The following ETNK1 variants were observed in gnomAD, a reference collection of about 807,000 sequenced individuals.
The protein encoded by ETNK1 is ethanolamine kinase 1, also known as putative protein product of Nbla10396.
Under a neutral mutation model 45.1 loss-of-function variants are expected in ETNK1, and 8 were observed. That is an observed-to-expected ratio of 0.18 (90% CI 0.10 to 0.32). ETNK1 has a LOEUF of 0.32. Ranked by LOEUF, ETNK1 falls within the 10% of genes least tolerant of loss-of-function variation. The probability of loss-of-function intolerance (pLI) is 1.00; values close to 1 mark genes in which losing one functional copy is unlikely to be tolerated. For synonymous variants in ETNK1, 152 were observed against 151.9 expected, an observed-to-expected ratio of 1.00 and a Z score of -0.01; for missense variants, 302 against 430.6, an observed-to-expected ratio of 0.70 and a Z score of 2.64.
chr12:22,671,458 C>T (rs1392688445), intron 5 of ETNK1, 103 bp downstream of exon 5: 3 of 801,796 alleles, frequency 3.7e-6, no homozygotes, highest in Non-Finnish European at 6.2e-6. Flanking sequence ...AACATTTTCC[C>T]ACGTGTTGTT....
intron 1 of ETNK1, among the ~76,000 whole-genome samples, chr12:22,631,646 A>G (rs1424745759): frequency 2.0e-5 from 3 of 152,230 alleles, no homozygotes; most frequent in Non-Finnish European, 4.4e-5. Flanking sequence ...GGCCCAGATT[A>G]GGACAGATGA....
At chr12:22,654,993 A>G (rs562302560) in intron 2 of ETNK1, among the ~76,000 whole-genome samples, 1 of 152,172 alleles carries the variant, frequency 6.6e-6, no homozygotes, top group Non-Finnish European at 1.5e-5. Context: ...TTTGAAACGT[A>G]GTTTCACTCT....
intron 2 of ETNK1, among the ~76,000 whole-genome samples, chr12:22,646,011 T>C (rs868006788): frequency 1.4e-4 from 21 of 151,958 alleles, no homozygotes; most frequent in Middle Eastern, 6.8e-3. Flanking sequence ...TACATTGAAT[T>C]GCCCCACAGT....
intron 4 of ETNK1, among the ~76,000 whole-genome samples, chr12:22,662,534 A>G (rs550001622): frequency 1.3e-5 from 2 of 151,970 alleles, no homozygotes; most frequent in Admixed American, 1.3e-4. Flanking sequence ...AGCTGGGACT[A>G]CAGGTACATG....
In ETNK1 at chr12:22,684,791, G is replaced by A. The variant is rs540006009; in HGVS notation, c.1020-91G>A. 2.7e-4 allele frequency: 290 copies of A among 1,055,800 alleles called. No homozygotes were observed. In the African/African-American group the frequency reaches 4.1e-3, roughly 15 times the overall value. 65.4% of individuals were successfully genotyped at this position (1,055,800 alleles called of 1,614,324 possible). The stretch of plus-strand genomic sequence containing the variant: ...GTCCTTTGAAAATCTTAAACTTTAA[G>A]AAAACCAGCTTAGAGGACTGAGTGA... On this transcript the variant is annotated intron_variant, in intron 7 of 7. Transcript: ENST00000266517.
At chr12:22,650,924 C>T (rs898190614) in intron 2 of ETNK1, among the ~76,000 whole-genome samples, 1 of 152,172 alleles carries the variant, frequency 6.6e-6, no homozygotes, top group South Asian at 2.1e-4. Context: ...GTAAATGCTA[C>T]ATAAAATTTA....
chr12:22,655,215 A>G (rs1227372201), intron 2 of ETNK1, among the ~76,000 whole-genome samples: 3 of 151,486 alleles, frequency 2.0e-5, no homozygotes, highest in African/African-American at 7.3e-5. Context: ...TGATTCATCC[A>G]CCTTGGCCTC....
chr12:22,655,649 G>A lies in ETNK1; in HGVS notation c.417-3365G>A, dbSNP rs571983891. ...ACCATGCCCAGCCTATAGGATATTTGTATATGAATCTGTATGTGAAGTTCA... is the reference window on the plus strand; with the variant it reads ...ACCATGCCCAGCCTATAGGATATTTATATATGAATCTGTATGTGAAGTTCA... On this transcript the variant is annotated intron_variant, in intron 2 of 7. Transcript: ENST00000266517. 2.7e-5 allele frequency among the ~76,000 whole-genome samples: 4 copies of A among 148,454 alleles called. No individual in the cohort carries two copies. The South Asian group carries it at 6.4e-4, about 24-fold the overall frequency.
rs896310278 is a variant in ETNK1 at position 22,662,063 on chromosome 12, C to T, written c.700+858C>T. Among the ~76,000 whole-genome samples the T allele has an allele frequency of 1.5e-3, 215 of 147,926 alleles. 11 individuals carry two copies. Among genetic ancestry groups the T allele is most frequent in the African/African-American group, 5.2e-3 (204 of 39,424 alleles). On this transcript the variant is annotated intron_variant, in intron 4 of 7. Coordinates refer to ENST00000266517, the MANE Select transcript of ETNK1 (RefSeq NM_018638.5). ...AGGAAACTAGTTCCCCGCACCCCCCCCCCCTTTTTTTTTCCTTTTTTGAGA... is the reference window on the plus strand; with the variant it reads ...AGGAAACTAGTTCCCCGCACCCCCCTCCCCTTTTTTTTTCCTTTTTTGAGA...
chr12:22,634,801 C>T (rs1953633397), intron 1 of ETNK1, among the ~76,000 whole-genome samples: 1 of 152,124 alleles, frequency 6.6e-6, no homozygotes. Context: ...GTAATCTGCT[C>T]ACCTTGGCCT....
Position 22,625,264 on chromosome 12 carries a change from G to C in ETNK1, c.-167G>C. 1 of 1,610,554 alleles carries C rather than the reference G, an allele frequency of 6.2e-7. No individual in the cohort carries two copies. Among genetic ancestry groups the C allele is most frequent in the Non-Finnish European group, 8.5e-7 (1 of 1,179,178 alleles). ...GCTGTCCAGACCCGGATCGGCAACA[G>C]TGCCGCCTCCAGACGTTCTCCTGCC... On this transcript the variant is annotated 5_prime_UTR_variant, in exon 1 of 8. Transcript: ENST00000266517.
At position 22,625,709 on chromosome 12, in the gene ETNK1, A is replaced by G. The variant is rs143185547; in HGVS notation, c.156+123A>G. 2.3e-5 allele frequency: 32 copies of G among 1,375,258 alleles called. No individual in the cohort carries two copies. In the East Asian group the frequency reaches 4.7e-4, roughly 20 times the overall value. The allele number at this position is 1,375,258 out of a possible 1,614,324, so 85.2% of individuals were successfully genotyped here. ...CCTAGGGCAACATCTCCTTAAGTCT[A>G]TTGGGAAGTGACCCTGTATTTCCCC... On this transcript the variant is annotated intron_variant, in intron 1 of 7. Transcript: ENST00000266517.
At chr12:22,676,711 T>TGA (rs1384864959) in intron 6 of ETNK1, among the ~76,000 whole-genome samples, 1 of 152,196 alleles carries the variant, frequency 6.6e-6, no homozygotes. Flanking sequence ...CTAACTGGCG[T>TGA]GAAATGGTAT....
At chr12:22,665,060 A>C (rs1954041434) in intron 4 of ETNK1, among the ~76,000 whole-genome samples, 1 of 152,186 alleles carries the variant, frequency 6.6e-6, no homozygotes, top group South Asian at 2.1e-4. Context: ...TCTTAAAAGC[A>C]GATATATTTA....
intron 2 of ETNK1, among the ~76,000 whole-genome samples, chr12:22,658,662 C>G (rs1953968776): frequency 6.6e-6 from 1 of 151,978 alleles, no homozygotes; most frequent in Admixed American, 6.6e-5. Flanking sequence ...GAATGTATAC[C>G]CAAGGAGCAG....
At chr12:22,649,275 T>A (rs1015031312) in intron 2 of ETNK1, among the ~76,000 whole-genome samples, 1 of 152,074 alleles carries the variant, frequency 6.6e-6, no homozygotes, top group African/African-American at 2.4e-5. Context: ...GTGTCATTTT[T>A]AAAAAGTCAT....
intron 2 of ETNK1, among the ~76,000 whole-genome samples, chr12:22,654,181 CTA>C (rs1215025377): frequency 6.6e-6 from 1 of 152,182 alleles, no homozygotes; most frequent in Non-Finnish European, 1.5e-5. Flanking sequence ...AGGAACATAA[CTA>C]TGAGAAAGAA....
At chr12:22,659,295 G>T in intron 3 of ETNK1, 141 bp downstream of exon 3, 1 of 869,672 alleles carries the variant, frequency 1.1e-6, no homozygotes, top group Non-Finnish European at 1.7e-6. Flanking sequence ...TGATTCTTTG[G>T]CTGTCAGATA....
chr12:22,671,378 T>C (rs987358559), intron 5 of ETNK1, 23 bp downstream of exon 5: 18 of 1,365,388 alleles, frequency 1.3e-5, no homozygotes, highest in African/African-American at 4.3e-5. Context: ...GAGTAACTTA[T>C]TTAGCTTTGA....
Sources: gnomAD v4.1 joint callset for allele counts (sites outside exome capture counted in the v4.1 genomes callset) on GRCh38, gnomAD v4.1.1 for gene constraint, MANE v1.5 for transcripts, NCBI Gene and HGNC (gene_info 2026-07-23, HGNC 2026-07-21) for gene names.